Variants in LRRC4C observed in about 807,000 individuals in gnomAD.
LRRC4C encodes leucine-rich repeat-containing protein 4C.
LRRC4C carries 5 observed loss-of-function variants against 33.6 expected under a neutral mutation model. The observed-to-expected ratio is 0.15, with a 90% CI of 0.08 to 0.31. The LOEUF is 0.31. Ranked by LOEUF, LRRC4C falls within the 10% of genes least tolerant of loss-of-function variation. The pLI is 1.00. For missense variants in LRRC4C, 560 were observed against 796.7 expected (o/e 0.70, Z 3.58); for synonymous variants, 329 against 302.0 (o/e 1.09, Z -0.93).
At chr11:40,122,811 T>C (rs1855921869) in intron 6 of LRRC4C, among the ~76,000 whole-genome samples, 1 of 134,786 alleles carries the variant, frequency 7.4e-6, no homozygotes, top group Non-Finnish European at 1.6e-5. Flanking sequence ...CCTACTCCCT[T>C]ACTCTTTTCT....
At position 40,682,903 on chromosome 11, in the gene LRRC4C, T is replaced by C. The variant is rs139074236; in HGVS notation, c.-406-34625A>G. Among the ~76,000 whole-genome samples, 79 of 152,264 alleles carry C rather than the reference T, an allele frequency of 5.2e-4. 2 individuals are homozygous for C. The East Asian group carries it at 0.014, about 27-fold the overall frequency. ...GAGATATTCTAGATAGGATGGAGAATTAGCTGGGTTACTTGCTGTTCCCCA... is the reference window on the plus strand; with the variant it reads ...GAGATATTCTAGATAGGATGGAGAACTAGCTGGGTTACTTGCTGTTCCCCA... On this transcript the variant is annotated intron_variant, in intron 2 of 6. Transcript: ENST00000528697.
Position 41,411,391 on chromosome 11 carries a change from G to A in LRRC4C, c.-496+48040C>T, listed in dbSNP as rs929076708. 3.3e-5 allele frequency among the ~76,000 whole-genome samples: 5 copies of A among 150,724 alleles called. No individual in the cohort carries two copies. The East Asian group carries it at 5.9e-4, about 18-fold the overall frequency. ...TCTTGATCTCCTGACCTTGTGATCC[G>A]CCCACCTCCGCCTCCCAAAGTGCTG... is the stretch of plus-strand genomic sequence containing the variant. On this transcript the variant is annotated intron_variant, in intron 1 of 6. Transcript: ENST00000528697.
chr11:40,284,054 T>C (rs1222035806), intron 4 of LRRC4C, among the ~76,000 whole-genome samples: 1 of 152,142 alleles, frequency 6.6e-6, no homozygotes, highest in Admixed American at 6.5e-5. Context: ...TTTTGCCAAA[T>C]ACATATAACA....
intron 1 of LRRC4C, among the ~76,000 whole-genome samples, chr11:41,312,464 C>T (rs1289799259): frequency 2.0e-5 from 3 of 152,276 alleles, no homozygotes; most frequent in South Asian, 4.1e-4. Context: ...TACTAGTTCA[C>T]TGTGTGATCT....
intron 5 of LRRC4C, among the ~76,000 whole-genome samples, chr11:40,237,928 C>A (rs1220430734): frequency 2.0e-5 from 3 of 152,140 alleles, no homozygotes; most frequent in African/African-American, 7.2e-5. Context: ...CAAACAGCCA[C>A]CGCTGAAAAG....
At chr11:41,182,752 C>T (rs1945508256) in intron 1 of LRRC4C, among the ~76,000 whole-genome samples, 1 of 151,624 alleles carries the variant, frequency 6.6e-6, no homozygotes, top group East Asian at 1.9e-4. Flanking sequence ...TCAAAATATA[C>T]TTAACAATTC....
chr11:40,882,760 TCTC>T (rs1411425334), intron 2 of LRRC4C, among the ~76,000 whole-genome samples: 1 of 152,110 alleles, frequency 6.6e-6, no homozygotes, highest in Non-Finnish European at 1.5e-5. Context: ...TTCATTTTCT[TCTC>T]CTCCTCTTCC....
At chr11:40,896,723 A>G (rs1385439326) in intron 2 of LRRC4C, among the ~76,000 whole-genome samples, 1 of 151,990 alleles carries the variant, frequency 6.6e-6, no homozygotes. Flanking sequence ...AAGAAAAATA[A>G]TATAGTGACA....
intron 3 of LRRC4C, among the ~76,000 whole-genome samples, chr11:40,461,909 A>G (rs1952416327): frequency 6.6e-6 from 1 of 151,810 alleles, no homozygotes; most frequent in African/African-American, 2.4e-5. Context: ...AAATTATAAA[A>G]AGTAAAGGAA....
intron 3 of LRRC4C, among the ~76,000 whole-genome samples, chr11:40,398,233 T>C (rs1949619184): frequency 1.3e-5 from 2 of 151,948 alleles, no homozygotes; most frequent in Non-Finnish European, 2.9e-5. Context: ...TTTGGATAAA[T>C]GAAAAAATAT....
chr11:40,685,875 G>A (rs939022188), intron 2 of LRRC4C, among the ~76,000 whole-genome samples: 1 of 151,694 alleles, frequency 6.6e-6, no homozygotes, highest in Non-Finnish European at 1.5e-5. Context: ...CCTTGTCCTA[G>A]GTTGAAAGAT....
intron 1 of LRRC4C, among the ~76,000 whole-genome samples, chr11:41,032,910 C>T (rs1024713779): frequency 1.1e-4 from 16 of 152,150 alleles, no homozygotes; most frequent in African/African-American, 3.6e-4. Flanking sequence ...AACATACAAG[C>T]ATCATTTTCA....
At chr11:40,760,145 T>G (rs1949136671) in intron 2 of LRRC4C, among the ~76,000 whole-genome samples, 1 of 152,050 alleles carries the variant, frequency 6.6e-6, no homozygotes, top group African/African-American at 2.4e-5. Flanking sequence ...GTTCACTGCC[T>G]GTTTTTGTAT....
At chr11:41,344,346 G>A (rs1591313561) in intron 1 of LRRC4C, among the ~76,000 whole-genome samples, 3 of 148,858 alleles carry the variant, frequency 2.0e-5, no homozygotes, top group Non-Finnish European at 3.0e-5. Context: ...TCAGCCTCCC[G>A]AGTAGCTGGG....
chr11:40,647,604 G>A (rs1942543623), intron 3 of LRRC4C, among the ~76,000 whole-genome samples: 1 of 152,096 alleles, frequency 6.6e-6, no homozygotes, highest in South Asian at 2.1e-4. Context: ...TAGCCCAACA[G>A]AAAATATTTT....
chr11:41,207,437 C>T (rs1458143065), intron 1 of LRRC4C, among the ~76,000 whole-genome samples: 4 of 152,124 alleles, frequency 2.6e-5, no homozygotes, highest in Non-Finnish European at 5.9e-5. Context: ...TATTGAAACT[C>T]TAACCCCTGA....
intron 3 of LRRC4C, among the ~76,000 whole-genome samples, chr11:40,404,545 C>A (rs1481784581): frequency 6.6e-6 from 1 of 152,024 alleles, no homozygotes; most frequent in African/African-American, 2.4e-5. Flanking sequence ...GTGAAGCGCT[C>A]CTCTTGTGAC....
chr11:40,793,560 A>G (rs1284009177), intron 2 of LRRC4C, among the ~76,000 whole-genome samples: 2 of 152,180 alleles, frequency 1.3e-5, no homozygotes, highest in East Asian at 3.9e-4. Flanking sequence ...AACAAAACAA[A>G]TAGGCCAGTA....
intron 3 of LRRC4C, among the ~76,000 whole-genome samples, chr11:40,560,418 A>T (rs1957502162): frequency 6.7e-6 from 1 of 148,568 alleles, no homozygotes; most frequent in Admixed American, 6.9e-5. Context: ...TGACCTAACC[A>T]ACCAATGATG....
Sources: gnomAD v4.1 joint callset for allele counts (sites outside exome capture counted in the v4.1 genomes callset) on GRCh38, gnomAD v4.1.1 for gene constraint, MANE v1.5 for transcripts, NCBI Gene and HGNC (gene_info 2026-07-23, HGNC 2026-07-21) for gene names.